Variants in GCFC2 observed in about 807,000 individuals in gnomAD.
GCFC2 encodes the protein intron Large complex component GCFC2.
In GCFC2, 102 loss-of-function variants were observed where a neutral mutation model predicts 99.4. That is an observed-to-expected ratio of 1.03 (90% confidence interval 0.87 to 1.21). The LOEUF is 1.21. Ranked by LOEUF, GCFC2 falls within the 50% of genes most tolerant of loss-of-function variation. The pLI, the probability that GCFC2 is intolerant of heterozygous loss-of-function variation, is 0.00. For missense variants in GCFC2, 973 were observed against 920.9 expected (o/e 1.06, Z -0.73); for synonymous variants, 338 against 316.8 (o/e 1.07, Z -0.71).
chr2:75,686,647 G>A (rs1337024462), intron 11 of GCFC2, among the ~76,000 whole-genome samples: 1 of 152,130 alleles, frequency 6.6e-6, no homozygotes, highest in Non-Finnish European at 1.5e-5. Flanking sequence ...GGGAGGCTGA[G>A]GCAGTAGGAT....
intron 2 of GCFC2, among the ~76,000 whole-genome samples, chr2:75,705,639 A>C (rs907913878): frequency 3.4e-5 from 5 of 146,160 alleles, no homozygotes; most frequent in Middle Eastern, 3.5e-3. Context: ...AAAAAAAAAG[A>C]AGCACAGAAG....
intron 4 of GCFC2, among the ~76,000 whole-genome samples, chr2:75,700,723 T>C (rs1414784769): frequency 6.6e-6 from 1 of 152,180 alleles, no homozygotes; most frequent in Non-Finnish European, 1.5e-5. Flanking sequence ...ATGCACAGTG[T>C]AGTGGGTTGA....
At chr2:75,711,139 G>C (rs1291892833), upstream of GCFC2, 1 of 1,237,900 alleles carries the variant, frequency 8.1e-7, no homozygotes, top group Non-Finnish European at 1.0e-6. Flanking sequence ...TATCCGGTCT[G>C]AGTCCCACGG....
chr2:75,671,404 T>C (rs1679084607), intron 14 of GCFC2, among the ~76,000 whole-genome samples: 1 of 152,228 alleles, frequency 6.6e-6, no homozygotes, highest in African/African-American at 2.4e-5. Flanking sequence ...CCTAGACCTC[T>C]GTATCTCTAT....
At chr2:75,667,870 T>C (rs1309190111) in intron 15 of GCFC2, among the ~76,000 whole-genome samples, 1 of 152,162 alleles carries the variant, frequency 6.6e-6, no homozygotes. Flanking sequence ...GGATGATGAT[T>C]TAAATTTTTA....
At position 75,690,729 on chromosome 2, in the gene GCFC2, A is replaced by G; in HGVS notation, c.1145-10T>C. On this transcript the variant is annotated splice_polypyrimidine_tract_variant and intron_variant, in intron 7 of 16. Coordinates refer to ENST00000321027, the MANE Select transcript of GCFC2 (RefSeq NM_003203.5). ...GATGTCTCATCTTTGCCTGTTAATA[A>G]ATAAAATTGACTTCATACTACAAAT... 7.2e-7 allele frequency: 1 copy of G among 1,384,904 alleles called. No individual in the cohort carries two copies. The highest frequency in any genetic ancestry group is 2.0e-5 in the Admixed American group (1 of 50,454). The allele number at this position is 1,384,904 out of a possible 1,614,324, so 85.8% of individuals were successfully genotyped here.
intron 11 of GCFC2, among the ~76,000 whole-genome samples, chr2:75,685,806 G>C (rs548833525): frequency 1.2e-4 from 18 of 152,102 alleles, no homozygotes; most frequent in Non-Finnish European, 1.9e-4. Flanking sequence ...TTAGATTACA[G>C]GTACTTCAAA....
At chr2:75,709,458 G>C (rs187724547) in intron 1 of GCFC2, among the ~76,000 whole-genome samples, 3 of 152,308 alleles carry the variant, frequency 2.0e-5, no homozygotes, top group Non-Finnish European at 4.4e-5. Context: ...CAGGCACAGA[G>C]AGACAAACAC....
Position 75,675,576 on chromosome 2 carries a change from C to T in GCFC2, c.1813-2056G>A, listed in dbSNP as rs138784503. Among the ~76,000 whole-genome samples the T allele has an allele frequency of 8.5e-3, 1,295 of 151,954 alleles. 12 individuals are homozygous for T. The highest frequency in any genetic ancestry group is 0.026 in the South Asian group (123 of 4,812). On this transcript the variant is annotated intron_variant, in intron 12 of 16. Coordinates refer to ENST00000321027, the MANE Select transcript of GCFC2 (RefSeq NM_003203.5). ...TGGCCAACATGGTGAAACCCTGTCT[C>T]TACTAAAAATAGAAAAAATTAGCCA...
At chr2:75,704,617 C>A (rs1438574866) in intron 2 of GCFC2, among the ~76,000 whole-genome samples, 1 of 152,262 alleles carries the variant, frequency 6.6e-6, no homozygotes, top group Non-Finnish European at 1.5e-5. Context: ...TGCCCTCTCT[C>A]CTAAGGTGGG....
chr2:75,664,157 T>G lies in GCFC2; in HGVS notation c.*509A>C, dbSNP rs1678726673. 6.6e-6 allele frequency: 1 copy of G among 152,274 alleles called. No homozygotes were observed. 9.4% of individuals were successfully genotyped at this position (152,274 alleles called of 1,614,324 possible). A position where few individuals can be genotyped will look rare whatever the true frequency, so the allele number is the denominator to read the frequency against. ...CATTGGCACTCACTTATGCTTATGTTGGTACATTAAATTGGTACAGATTTC... is the reference window on the plus strand; with the variant it reads ...CATTGGCACTCACTTATGCTTATGTGGGTACATTAAATTGGTACAGATTTC... On this transcript the variant is annotated 3_prime_UTR_variant, in exon 17 of 17. Coordinates refer to ENST00000321027, the MANE Select transcript of GCFC2 (RefSeq NM_003203.5).
At chr2:75,710,529 C>A (rs950881171) in intron 1 of GCFC2, 62 bp downstream of exon 1, 7 of 1,429,766 alleles carry the variant, frequency 4.9e-6, no homozygotes, top group African/African-American at 3.0e-5. Context: ...GATCCAGAGA[C>A]CCCGCGGCCC....
Position 75,670,185 on chromosome 2 carries a change from G to C in GCFC2, c.2056C>G (p.Leu686Val). The C allele has an allele frequency of 1.2e-6, 2 of 1,608,748 alleles. No homozygotes were observed. Among genetic ancestry groups the C allele is most frequent in the Non-Finnish European group, 1.7e-6 (2 of 1,175,134 alleles). The change falls in exon 15 of 17, where the codon CTT becomes GTT. Residue 686 changes from leucine (L) to valine (V), a missense_variant. Transcript: ENST00000321027. The part of the protein sequence containing the change: ...KLLNRYLIIA[L>V]LNATPGPDVV... Reference sequence around the variant, plus strand: ...TCTGGCCCAGGTGTGGCATTGAGAAGTGCTATAATAAGGTAACGATTTAGC... The same window carrying C: ...TCTGGCCCAGGTGTGGCATTGAGAACTGCTATAATAAGGTAACGATTTAGC...
At chr2:75,690,149 T>A in intron 8 of GCFC2, 68 bp from the exon 9 acceptor site, 1 of 823,966 alleles carries the variant, frequency 1.2e-6, no homozygotes. Context: ...AATGCCTAAA[T>A]TTTTTTTAAC....
chr2:75,690,346 G>C (rs1680008688), intron 8 of GCFC2: 4 of 504,718 alleles, frequency 7.9e-6, no homozygotes, highest in African/African-American at 2.0e-5. Context: ...ATTCCCATGG[G>C]CTAACCAGAT....
At chr2:75,706,756 C>A (rs1364134163) in intron 1 of GCFC2, 105 bp from the exon 2 acceptor site, 4 of 650,250 alleles carry the variant, frequency 6.2e-6, no homozygotes, top group Non-Finnish European at 1.0e-5. Flanking sequence ...GTGTTTTAAT[C>A]CTAGTCCATA....
At chr2:75,693,551 A>G (rs1680181443) in intron 6 of GCFC2, among the ~76,000 whole-genome samples, 1 of 152,218 alleles carries the variant, frequency 6.6e-6, no homozygotes, top group South Asian at 2.1e-4. Flanking sequence ...GCCTGCCCCA[A>G]TGTAAAAACT....
At chr2:75,694,805 G>A (rs985839117) in intron 5 of GCFC2, among the ~76,000 whole-genome samples, 4 of 152,088 alleles carry the variant, frequency 2.6e-5, no homozygotes, top group African/African-American at 9.7e-5. Context: ...ACTAGGTACA[G>A]AGCAGGGTAT....
rs1558742082 is a variant in GCFC2 at position 75,689,193 on chromosome 2, C to T, written c.1372G>A (p.Glu458Lys). 1.9e-6 allele frequency: 3 copies of T among 1,600,170 alleles called. No homozygotes were observed. The highest frequency in any genetic ancestry group is 2.6e-6 in the Non-Finnish European group (3 of 1,170,784). The part of the protein sequence containing the change: ...DILQKQKKVF[E>K]EVQDDFCNIQ... Reference sequence around the variant, plus strand: ...TTACAAAAATCATCTTGCACTTCTTCAAAAACTTTCTTCTGTTTCTGTAAA... The same window carrying T: ...TTACAAAAATCATCTTGCACTTCTTTAAAAACTTTCTTCTGTTTCTGTAAA... The change falls in exon 10 of 17, where the codon GAA becomes AAA. Residue 458 changes from glutamate (E) to lysine (K), a missense_variant. Glu to Lys is a moderately conservative substitution (Grantham distance 56). Transcript: ENST00000321027.
Sources: gnomAD v4.1 joint callset for allele counts (sites outside exome capture counted in the v4.1 genomes callset) on GRCh38, gnomAD v4.1.1 for gene constraint, MANE v1.5 for transcripts, NCBI Gene and HGNC (gene_info 2026-07-23, HGNC 2026-07-21) for gene names.